LRBA: variants seen among roughly 807,000 people sequenced by gnomAD.
LRBA encodes LPS responsive beige-like anchor protein, also known as lipopolysaccharide-responsive and beige-like anchor protein.
In LRBA, 176 loss-of-function variants were observed where a neutral mutation model predicts 330.0. That is an observed-to-expected ratio of 0.53 (90% CI 0.47 to 0.60). The LOEUF (loss-of-function observed/expected upper bound fraction) is 0.60. LRBA is among the 20% of genes least tolerant of loss of function. The pLI, the probability that LRBA is intolerant of heterozygous loss-of-function variation, is 0.00. For synonymous variants in LRBA, 1,230 were observed against 1,193.0 expected (o/e 1.03, Z -0.64); for missense variants, 3,259 against 3,444.8 (o/e 0.95, Z 1.35).
intron 17 of LRBA, among the ~76,000 whole-genome samples, chr4:150,878,709 A>C (rs765426366): frequency 2.0e-5 from 3 of 152,074 alleles, no homozygotes; most frequent in Non-Finnish European, 4.4e-5. Context: ...AATTATGAAC[A>C]CCTCTATGCA....
At chr4:150,365,153 C>A (rs1360931836) in intron 47 of LRBA, among the ~76,000 whole-genome samples, 1 of 151,872 alleles carries the variant, frequency 6.6e-6, no homozygotes, top group Non-Finnish European at 1.5e-5. Flanking sequence ...GGACTACAAG[C>A]ATGCCACCAC....
intron 2 of LRBA, among the ~76,000 whole-genome samples, chr4:150,996,244 T>C (rs1375741133): frequency 6.6e-6 from 1 of 152,190 alleles, no homozygotes. Flanking sequence ...CTCCCAAAGA[T>C]ATGCCAAACT....
At chr4:150,655,773 T>A (rs555715554) in intron 37 of LRBA, among the ~76,000 whole-genome samples, 1 of 152,352 alleles carries the variant, frequency 6.6e-6, no homozygotes, top group Non-Finnish European at 1.5e-5. Flanking sequence ...AATTATCATT[T>A]AGGATTGTCT....
At position 150,808,360 on chromosome 4, in the gene LRBA, T is replaced by C. The variant is rs751626846; in HGVS notation, c.5344A>G (p.Thr1782Ala). Reference protein sequence around the residue: ...SSNAKLPSVPTVDSVSQDPVS... With the variant: ...SSNAKLPSVPAVDSVSQDPVS... ...GGATCTTGTGAAACTGAATCAACTG[T>C]TGGAACTGAGGGCAATTTTGCATTA... The change falls in exon 32 of 57, where the codon ACA becomes GCA. Residue 1782 changes from threonine to alanine, a missense_variant. Thr to Ala is a moderately conservative substitution (Grantham distance 58, BLOSUM62 0). Transcript: ENST00000651943. 6 of 1,612,694 alleles carry C rather than the reference T, an allele frequency of 3.7e-6. No individual in the cohort carries two copies. Among genetic ancestry groups the C allele is most frequent in the South Asian group, 2.2e-5 (2 of 90,918 alleles).
At chr4:150,803,170 T>C (rs1244734749) in intron 33 of LRBA, among the ~76,000 whole-genome samples, 2 of 148,586 alleles carry the variant, frequency 1.3e-5, no homozygotes, top group Non-Finnish European at 3.0e-5. Flanking sequence ...TAAAGATAAA[T>C]ATGGGCTGGG....
At chr4:150,875,529 A>C (rs1753918512) in intron 17 of LRBA, among the ~76,000 whole-genome samples, 1 of 152,172 alleles carries the variant, frequency 6.6e-6, no homozygotes, top group South Asian at 2.1e-4. Flanking sequence ...ACATTGGCCA[A>C]AGCCCACTCT....
At chr4:150,779,183 G>T (rs1737823974) in intron 34 of LRBA, among the ~76,000 whole-genome samples, 1 of 151,946 alleles carries the variant, frequency 6.6e-6, no homozygotes, top group Admixed American at 6.6e-5. Flanking sequence ...TCTGTCTACA[G>T]ACCACTATAA....
At chr4:150,315,704 T>C (rs1414684066) in intron 50 of LRBA, 81 bp from the exon 51 acceptor site, 4 of 833,960 alleles carry the variant, frequency 4.8e-6, no homozygotes, top group African/African-American at 1.8e-5. Context: ...TCAAACCTTA[T>C]GTAGAATTGT....
At chr4:150,276,905 C>T (rs1047388980) in intron 56 of LRBA, among the ~76,000 whole-genome samples, 2 of 152,120 alleles carry the variant, frequency 1.3e-5, no homozygotes, top group Non-Finnish European at 2.9e-5. Flanking sequence ...TACCATTTGA[C>T]CCACAATCTC....
At chr4:150,999,926 C>T (rs1282111577) in intron 2 of LRBA, among the ~76,000 whole-genome samples, 1 of 152,088 alleles carries the variant, frequency 6.6e-6, no homozygotes, top group African/African-American at 2.4e-5. Context: ...CATTGCAAGA[C>T]CCCTAGTGGA....
At chr4:150,898,813 A>T (rs1730405661) in intron 14 of LRBA, among the ~76,000 whole-genome samples, 2 of 152,188 alleles carry the variant, frequency 1.3e-5, no homozygotes, top group Admixed American at 6.5e-5. Flanking sequence ...ACCATGAAAT[A>T]GTCATGAGAA....
At chr4:150,279,994 C>CTT (rs1360878558) in intron 55 of LRBA, among the ~76,000 whole-genome samples, 2 of 152,142 alleles carry the variant, frequency 1.3e-5, no homozygotes, top group African/African-American at 4.8e-5. Context: ...ATCTTTAATT[C>CTT]TTTGTTCTAG....
At chr4:150,634,564 A>G (rs866596857) in intron 37 of LRBA, among the ~76,000 whole-genome samples, 16 of 152,342 alleles carry the variant, frequency 1.1e-4, no homozygotes, top group African/African-American at 3.8e-4. Flanking sequence ...TCAATTCATG[A>G]CGTCCATTTG....
Position 150,905,848 on chromosome 4 carries a change from G to T in LRBA, c.1745C>A (p.Thr582Asn), listed in dbSNP as rs774280019. 1.2e-5 allele frequency: 20 copies of T among 1,612,776 alleles called. No homozygotes were observed. The South Asian group carries it at 1.9e-4, about 15-fold the overall frequency. Reference protein sequence around the residue: ...VLLNPAIWIHTPAKVQLMLYT... With the variant: ...VLLNPAIWIHNPAKVQLMLYT... ...ATAGATATATATTACCTTGGCTGGG[G>T]TATGAATCCATATGGCAGGATTAAG... Residue 582 changes from threonine to asparagine, a missense_variant, in exon 13 of 57, where the codon ACC becomes AAC. Thr to Asn is a moderately conservative substitution (Grantham distance 65, BLOSUM62 0). Transcript: ENST00000651943.
At chr4:150,672,154 G>A (rs1220312113) in intron 37 of LRBA, among the ~76,000 whole-genome samples, 1 of 151,976 alleles carries the variant, frequency 6.6e-6, no homozygotes. Context: ...GGATAAAATG[G>A]GGAGCTTCTT....
chr4:150,452,488 G>A (rs62344660), intron 44 of LRBA, among the ~76,000 whole-genome samples: 33,002 of 151,878 alleles, frequency 0.22, 4,415 homozygotes, highest in Non-Finnish European at 0.3. Context: ...CGCGTGCGGT[G>A]GTGTGCACCT....
chr4:150,732,171 A>T (rs960054171), intron 36 of LRBA, among the ~76,000 whole-genome samples: 13 of 152,054 alleles, frequency 8.5e-5, no homozygotes, highest in Non-Finnish European at 1.8e-4. Flanking sequence ...CCTTTACTTA[A>T]AGAAACATTT....
At chr4:150,528,550 A>G (rs1295807927) in intron 40 of LRBA, among the ~76,000 whole-genome samples, 1 of 151,898 alleles carries the variant, frequency 6.6e-6, no homozygotes, top group Non-Finnish European at 1.5e-5. Flanking sequence ...AAGAAAGTCT[A>G]TATACAGTTT....
chr4:151,008,194 C>T (rs560391860), intron 2 of LRBA, among the ~76,000 whole-genome samples: 3 of 151,792 alleles, frequency 2.0e-5, no homozygotes, highest in African/African-American at 7.3e-5. Flanking sequence ...AATTCTCCTG[C>T]CTCAGCCTCC....
Sources: gnomAD v4.1 joint callset for allele counts (sites outside exome capture counted in the v4.1 genomes callset) on GRCh38, gnomAD v4.1.1 for gene constraint, MANE v1.5 for transcripts, NCBI Gene and HGNC (gene_info 2026-07-23, HGNC 2026-07-21) for gene names.